Variants in LIPM observed in about 807,000 individuals in gnomAD.
LIPM encodes lipase member M.
LIPM carries 42 observed loss-of-function variants against 42.4 expected under a neutral mutation model. The ratio of observed to expected loss-of-function variants is 0.99; its 90% CI spans 0.77 to 1.28. LIPM has a LOEUF of 1.28. Among genes scored for constraint, LIPM ranks in the 50% most tolerant of loss-of-function variants. The pLI, the probability that LIPM is intolerant of heterozygous loss-of-function variation, is 0.00. For missense variants in LIPM, 524 were observed against 520.1 expected (o/e 1.01, Z -0.07); for synonymous variants, 177 against 173.3 (o/e 1.02, Z -0.17).
intron 1 of LIPM, among the ~76,000 whole-genome samples, chr10:88,805,596 TG>T (rs1345818877): frequency 6.6e-6 from 1 of 152,236 alleles, no homozygotes; most frequent in East Asian, 1.9e-4. Flanking sequence ...TGTGAGGTTT[TG>T]TTTTCTTAAG....
intron 8 of LIPM, 60 bp downstream of exon 8, chr10:88,817,956 G>A (rs762125718): frequency 3.1e-5 from 39 of 1,259,154 alleles, no homozygotes; most frequent in African/African-American, 1.3e-4. Flanking sequence ...TGACAGGGAC[G>A]TTATAATGAC....
intron 2 of LIPM, among the ~76,000 whole-genome samples, chr10:88,809,608 G>A (rs572605842): frequency 6.6e-6 from 1 of 152,292 alleles, no homozygotes; most frequent in African/African-American, 2.4e-5. Context: ...CTGTGCTAGT[G>A]CTTGCTAGTG....
chr10:88,815,436 T>C lies in LIPM; in HGVS notation c.791T>C (p.Ile264Thr). 6.4e-7 allele frequency: 1 copy of C among 1,551,576 alleles called. No individual in the cohort carries two copies. Among genetic ancestry groups the C allele is most frequent in the Non-Finnish European group, 8.7e-7 (1 of 1,146,866 alleles). Residue 264 changes from isoleucine (I) to threonine (T), a missense_variant, in exon 6 of 9, where the codon ATT becomes ACT. Coordinates refer to ENST00000404743, the MANE Select transcript of LIPM (RefSeq NM_001128215.1). ...QLVIYLCGQV[I>T]LDQICSNIML... ...GTTATTTACCTTTGTGGCCAGGTGATTCTTGATCAGATTTGTAGTAATATC... is the reference window on the plus strand; with the variant it reads ...GTTATTTACCTTTGTGGCCAGGTGACTCTTGATCAGATTTGTAGTAATATC...
Position 88,808,346 on chromosome 10 carries a change from G to A in LIPM, c.196G>A (p.Ala66Thr), listed in dbSNP as rs780411264. The A allele has an allele frequency of 9.0e-6, 14 of 1,551,272 alleles. No individual in the cohort carries two copies. Among genetic ancestry groups the A allele is most frequent in the African/African-American group, 2.7e-5 (2 of 73,000 alleles). Residue 66 changes from alanine to threonine, a missense_variant, in exon 2 of 9, where the codon GCA (alanine) becomes ACA (threonine). By Grantham distance (58) the Ala-to-Thr change is moderately conservative. Transcript: ENST00000404743. The stretch of plus-strand genomic sequence containing the variant: ...CTATCCCTGTGAGGAATATGAAGTC[G>A]CAACTGAAGATGGGTATATCCTTTC... ...QGYPCEEYEV[A>T]TEDGYILSVN...
chr10:88,809,986 A>G (rs1044651976), intron 2 of LIPM, among the ~76,000 whole-genome samples: 1 of 152,040 alleles, frequency 6.6e-6, no homozygotes. Context: ...TTTGCTACCT[A>G]TTGAGTTCTA....
At chr10:88,815,605 A>G (rs117451088) in intron 6 of LIPM, 102 bp downstream of exon 6, 14,959 of 1,021,774 alleles carry the variant, frequency 0.015, 150 homozygotes, top group Non-Finnish European at 0.017. Context: ...ACTCAGAGTA[A>G]TGATATATTC....
At chr10:88,809,139 G>A (rs1010734580) in intron 2 of LIPM, among the ~76,000 whole-genome samples, 6 of 151,860 alleles carry the variant, frequency 4.0e-5, no homozygotes, top group Non-Finnish European at 8.8e-5. Flanking sequence ...ATTTTTGGTA[G>A]AGACAGAGTT....
intron 4 of LIPM, 93 bp downstream of exon 4, chr10:88,814,732 C>T: frequency 2.2e-6 from 2 of 914,886 alleles, no homozygotes; most frequent in Non-Finnish European, 3.4e-6. Flanking sequence ...GTGCTTCCTT[C>T]AGACCTGCTC....
chr10:88,814,474 C>A (rs1403672147), intron 3 of LIPM, 56 bp from the exon 4 acceptor site: 17 of 1,263,290 alleles, frequency 1.3e-5, no homozygotes, highest in Admixed American at 6.0e-5. Context: ...TCGGGGGGAG[C>A]TTTTGTTTGT....
At chr10:88,810,221 TAA>T (rs1438405824) in intron 2 of LIPM, among the ~76,000 whole-genome samples, 2 of 152,190 alleles carry the variant, frequency 1.3e-5, no homozygotes, top group Non-Finnish European at 2.9e-5. Flanking sequence ...TTTGTATAAA[TAA>T]ATGAATAGCC....
intron 7 of LIPM, among the ~76,000 whole-genome samples, 198 bp from the exon 8 acceptor site, chr10:88,817,627 C>A (rs1331912898): frequency 6.6e-6 from 1 of 152,084 alleles, no homozygotes; most frequent in African/African-American, 2.4e-5. Flanking sequence ...TTTATGTAGT[C>A]CCTCTTTCTT....
chr10:88,802,819 T>C lies in LIPM; in HGVS notation c.-78T>C. 1 of 1,422,616 alleles carries C rather than the reference T, an allele frequency of 7.0e-7. No homozygotes were observed. The highest frequency in any genetic ancestry group is 1.5e-5 in the South Asian group (1 of 68,880). The allele number at this position is 1,422,616 out of a possible 1,614,324, so 88.1% of individuals were successfully genotyped here. A position where few individuals can be genotyped will look rare whatever the true frequency, so the allele number is the denominator to read the frequency against. On this transcript the variant is annotated 5_prime_UTR_variant, in exon 1 of 9. Transcript: ENST00000404743. ...TTGCAGCAGGAAAATATGTGAAGAG[T>C]TTTTAAACCCACAAATTCTTCTTAC...
Position 88,817,823 on chromosome 10 carries a change from A to G in LIPM, c.931-2A>G, listed in dbSNP as rs1187312202. On this transcript the variant is annotated splice_acceptor_variant, in intron 7 of 8. Coordinates refer to ENST00000404743, the MANE Select transcript of LIPM (RefSeq NM_001128215.1). LOFTEE classifies it high-confidence loss of function. Reference sequence around the variant, plus strand: ...TCCTTGTAAATTTTTGTCTCCTTTTAGGCAGTGAATTCTGGTGAACTCCGG... The same window carrying G: ...TCCTTGTAAATTTTTGTCTCCTTTTGGGCAGTGAATTCTGGTGAACTCCGG... 1.3e-5 allele frequency: 20 copies of G among 1,550,590 alleles called. No homozygotes were observed. Among genetic ancestry groups the G allele is most frequent in the Non-Finnish European group, 1.7e-5 (20 of 1,146,102 alleles).
At chr10:88,816,361 G>A (rs1339155177) in intron 6 of LIPM, among the ~76,000 whole-genome samples, 2 of 152,040 alleles carry the variant, frequency 1.3e-5, no homozygotes, top group African/African-American at 4.8e-5. Flanking sequence ...TTTATAGTAA[G>A]GATATGAAAA....
intron 6 of LIPM, among the ~76,000 whole-genome samples, chr10:88,816,609 A>G (rs1292082988): frequency 2.0e-5 from 3 of 152,204 alleles, no homozygotes; most frequent in Non-Finnish European, 2.9e-5. Context: ...ATGAGAACCT[A>G]TTCTCAGATG....
chr10:88,814,487 C>A, intron 3 of LIPM, 43 bp from the exon 4 acceptor site: 2 of 1,391,670 alleles, frequency 1.4e-6, no homozygotes, highest in Non-Finnish European at 1.0e-6. Flanking sequence ...TTGTTTGTTT[C>A]TGATTATAAT....
At chr10:88,810,209 A>AT (rs1843637678) in intron 2 of LIPM, among the ~76,000 whole-genome samples, 1 of 152,210 alleles carries the variant, frequency 6.6e-6, no homozygotes, top group Non-Finnish European at 1.5e-5. Context: ...TGAATTATAG[A>AT]TTTTGTATAA....
At chr10:88,815,315 C>T (rs558852322) in intron 5 of LIPM, 42 bp from the exon 6 acceptor site, 1 of 1,548,928 alleles carries the variant, frequency 6.5e-7, no homozygotes, top group Non-Finnish European at 8.7e-7. Context: ...ACAGTCACAT[C>T]TTTTCTGTCT....
intron 2 of LIPM, among the ~76,000 whole-genome samples, 173 bp downstream of exon 2, chr10:88,808,588 C>T (rs1039228090): frequency 3.9e-5 from 6 of 152,166 alleles, no homozygotes; most frequent in African/African-American, 1.2e-4. Context: ...CCGTGTCCGT[C>T]CCCACTGCCA....
Sources: allele counts gnomAD v4.1 joint callset (sites outside exome capture counted in the v4.1 genomes callset), GRCh38; gene constraint gnomAD v4.1.1; transcripts MANE v1.5; gene names NCBI Gene and HGNC (gene_info 2026-07-23, HGNC 2026-07-21).